The following RCC1L variants were observed in gnomAD, a reference collection of about 807,000 sequenced individuals.
RCC1L encodes the protein RCC1 like.
A neutral mutation model predicts 58.6 loss-of-function variants in RCC1L; 46 were observed. That is an observed-to-expected ratio of 0.79 (90% CI 0.62 to 1.00). The LOEUF is 1.00. RCC1L is among the 50% of genes least tolerant of loss of function. The probability of loss-of-function intolerance (pLI) is 0.00; values close to 1 mark genes in which losing one functional copy is unlikely to be tolerated. For missense variants in RCC1L, 636 were observed against 623.6 expected, an observed-to-expected ratio of 1.02 and a Z score of -0.21; for synonymous variants, 281 against 262.9, an observed-to-expected ratio of 1.07 and a Z score of -0.67.
chr7:75,040,391 C>T (rs969762517), downstream of RCC1L, among the ~76,000 whole-genome samples: 378 of 152,250 alleles, frequency 2.5e-3, 1 homozygote, highest in Non-Finnish European at 3.7e-3. Flanking sequence ...ACCCAGGAGG[C>T]GGAGGTTGCA....
At chr7:75,066,271 G>A (rs1393709313) in intron 3 of RCC1L, among the ~76,000 whole-genome samples, 1 of 151,910 alleles carries the variant, frequency 6.6e-6, no homozygotes, top group African/African-American at 2.4e-5. Flanking sequence ...CTAACATGGT[G>A]AAACCCCGTC....
intron 10 of RCC1L, among the ~76,000 whole-genome samples, chr7:75,031,971 T>C (rs913411441): frequency 2.0e-5 from 3 of 152,190 alleles, no homozygotes; most frequent in African/African-American, 7.2e-5. Context: ...GGCGCCCAGC[T>C]TCCCCCAGAG....
chr7:75,057,736 C>T (rs1806126992), intron 7 of RCC1L, 120 bp from the exon 8 acceptor site: 2 of 875,404 alleles, frequency 2.3e-6, no homozygotes, highest in South Asian at 1.4e-5. Context: ...ACAGATACTT[C>T]CTGAACATCA....
chr7:75,068,048 G>A (rs913724025), intron 2 of RCC1L, among the ~76,000 whole-genome samples: 3 of 151,888 alleles, frequency 2.0e-5, no homozygotes, highest in Non-Finnish European at 2.9e-5. Flanking sequence ...GGCCGGGCAC[G>A]GTGGGTCACG....
chr7:75,046,068 G>A (rs1338151902), intron 10 of RCC1L, among the ~76,000 whole-genome samples: 4 of 152,242 alleles, frequency 2.6e-5, no homozygotes, highest in South Asian at 2.1e-4. Flanking sequence ...GGCGGCAGGC[G>A]CCGACCCCGG....
At chr7:75,030,434 C>G (rs1467799523) in intron 10 of RCC1L, among the ~76,000 whole-genome samples, 1 of 152,146 alleles carries the variant, frequency 6.6e-6, no homozygotes, top group East Asian at 1.9e-4. Context: ...TGGGGCGTCT[C>G]TGGTAGGACG....
chr7:75,034,679 G>C (rs998769079), intron 10 of RCC1L, among the ~76,000 whole-genome samples: 2 of 151,776 alleles, frequency 1.3e-5, no homozygotes, highest in Non-Finnish European at 2.9e-5. Context: ...GCATCAGCTA[G>C]ACCCAGGGCC....
chr7:75,034,283 A>G (rs1805386030), intron 10 of RCC1L, among the ~76,000 whole-genome samples: 1 of 152,198 alleles, frequency 6.6e-6, no homozygotes, highest in African/African-American at 2.4e-5. Context: ...TAGGAGTCCA[A>G]GGTGGGCGGA....
chr7:75,056,633 C>G, intron 8 of RCC1L: 1 of 1,535,354 alleles, frequency 6.5e-7, no homozygotes, highest in Non-Finnish European at 8.7e-7. Context: ...GAGCTGGAGT[C>G]TCTCTGGCCC....
At chr7:75,064,328 C>CA (rs71519353) in intron 4 of RCC1L, among the ~76,000 whole-genome samples, 35 of 135,978 alleles carry the variant, frequency 2.6e-4, no homozygotes, top group African/African-American at 3.3e-4. Context: ...GAGTCCATCT[C>CA]AAAAAAAAAA....
chr7:75,073,105 G>A (rs1806826198), intron 1 of RCC1L, among the ~76,000 whole-genome samples: 2 of 152,228 alleles, frequency 1.3e-5, no homozygotes, highest in Non-Finnish European at 1.5e-5. Flanking sequence ...ACAGCTAGCA[G>A]CGGTGGGGCC....
Position 75,061,140 on chromosome 7 carries a change from C to G in RCC1L, c.787+67G>C, listed in dbSNP as rs2131999541. 3.8e-6 allele frequency: 5 copies of G among 1,312,030 alleles called. No individual in the cohort carries two copies. The Middle Eastern group carries it at 7.3e-4, about 191-fold the overall frequency. The allele number at this position is 1,312,030 out of a possible 1,614,324, so 81.3% of individuals were successfully genotyped here. On this transcript the variant is annotated intron_variant, in intron 6 of 10. Transcript: ENST00000610322. ...AGGGTTCTAGCCCATAAATGCCCTA[C>G]AGCTCACAGCTCCACATGACACGGG...
At position 75,063,283 on chromosome 7, in the gene RCC1L, C is replaced by G. The variant is rs1196483539; in HGVS notation, c.702+9G>C. On this transcript the variant is annotated intron_variant, in intron 5 of 10. Transcript: ENST00000610322. ...ACACAACAAGCAGCTCTCGGCCCATCTCTCTTACCTGGACCACCTGGCCAT... is the reference window on the plus strand; with the variant it reads ...ACACAACAAGCAGCTCTCGGCCCATGTCTCTTACCTGGACCACCTGGCCAT... 1 of 1,613,880 alleles carries G rather than the reference C, an allele frequency of 6.2e-7. No homozygotes were observed. Among genetic ancestry groups the G allele is most frequent in the Admixed American group, 1.7e-5 (1 of 59,992 alleles).
intron 9 of RCC1L, among the ~76,000 whole-genome samples, chr7:75,055,408 G>A (rs996572770): frequency 3.9e-4 from 59 of 152,228 alleles, no homozygotes; most frequent in African/African-American, 1.3e-3. Flanking sequence ...CTCTACCCCG[G>A]CACTTTGGAG....
chr7:75,060,213 C>G (rs1806228338), intron 6 of RCC1L, among the ~76,000 whole-genome samples: 1 of 152,158 alleles, frequency 6.6e-6, no homozygotes, highest in Non-Finnish European at 1.5e-5. Context: ...CAGCTTATTG[C>G]TTTTTAGTGC....
chr7:75,052,735 C>T lies in RCC1L; in HGVS notation c.1293G>A (p.Leu431=). ...NIRGCLGIGR[L]EDQYFPWRVT... ...CCCTCCATGGGAAATACTGGTCCTC[C>T]AGGCGACCGATTCCCAGGCACCCTC... The change falls in exon 10 of 11, where the codon CTG becomes CTA. Residue 431 remains leucine, a synonymous_variant. Coordinates refer to ENST00000610322, the MANE Select transcript of RCC1L (RefSeq NM_030798.5). 4 of 1,612,880 alleles carry T rather than the reference C, an allele frequency of 2.5e-6. No individual in the cohort carries two copies. Among genetic ancestry groups the T allele is most frequent in the Non-Finnish European group, 3.4e-6 (4 of 1,179,594 alleles).
chr7:75,055,647 T>G, intron 9 of RCC1L: 3 of 523,652 alleles, frequency 5.7e-6, no homozygotes, highest in South Asian at 2.1e-5. Context: ...GGTGCTCTCT[T>G]GAGAAAATGC....
downstream of RCC1L, among the ~76,000 whole-genome samples, chr7:75,038,939 G>A (rs893363374): frequency 2.0e-5 from 3 of 152,166 alleles, no homozygotes; most frequent in Non-Finnish European, 4.4e-5. Flanking sequence ...GCAGGGAAGC[G>A]AAGCGATTCT....
At chr7:75,063,559 G>A (rs1158496582) in intron 4 of RCC1L, among the ~76,000 whole-genome samples, 4 of 152,168 alleles carry the variant, frequency 2.6e-5, no homozygotes, top group Admixed American at 2.6e-4. Flanking sequence ...GGCCAAAGTT[G>A]AGAGTGGTGT....
Sources: gnomAD v4.1 joint callset for allele counts (sites outside exome capture counted in the v4.1 genomes callset) on GRCh38, gnomAD v4.1.1 for gene constraint, MANE v1.5 for transcripts, NCBI Gene and HGNC (gene_info 2026-07-23, HGNC 2026-07-21) for gene names.